Variants in HS3ST5 observed in about 807,000 individuals in gnomAD.
HS3ST5 encodes the protein heparan sulfate glucosamine 3-O-sulfotransferase 5.
HS3ST5 carries 10 observed loss-of-function variants against 25.4 expected under a neutral mutation model. That is an observed-to-expected ratio of 0.39 (90% confidence interval 0.24 to 0.67). The LOEUF (loss-of-function observed/expected upper bound fraction) is 0.67. Ranked by LOEUF, HS3ST5 falls within the 30% of genes least tolerant of loss-of-function variation. The probability of loss-of-function intolerance (pLI) is 0.44; values close to 1 mark genes in which losing one functional copy is unlikely to be tolerated. For missense variants in HS3ST5, 324 were observed against 420.7 expected, an observed-to-expected ratio of 0.77 and a Z score of 2.01; for synonymous variants, 170 against 162.4, an observed-to-expected ratio of 1.05 and a Z score of -0.36.
At chr6:114,222,842 G>C (rs964436617) in intron 2 of HS3ST5, among the ~76,000 whole-genome samples, 2 of 151,834 alleles carry the variant, frequency 1.3e-5, no homozygotes, top group African/African-American at 4.8e-5. Context: ...CAATGTCTTA[G>C]TGACCTACTC....
At chr6:114,064,359 C>T (rs955359113) in intron 3 of HS3ST5, among the ~76,000 whole-genome samples, 2 of 152,136 alleles carry the variant, frequency 1.3e-5, no homozygotes, top group African/African-American at 4.8e-5. Context: ...CCTTAGAAAA[C>T]TGATAATGTG....
At chr6:114,124,101 G>C (rs757012107) in intron 3 of HS3ST5, among the ~76,000 whole-genome samples, 6 of 152,080 alleles carry the variant, frequency 3.9e-5, no homozygotes, top group Non-Finnish European at 8.8e-5. Context: ...CCTCTGGAAT[G>C]CTTCTGAACT....
At chr6:114,182,123 A>G (rs1026645362) in intron 2 of HS3ST5, among the ~76,000 whole-genome samples, 3 of 152,180 alleles carry the variant, frequency 2.0e-5, no homozygotes, top group African/African-American at 7.2e-5. Context: ...CCATATTTAT[A>G]GGAATTCTTG....
rs1582554142 is a variant in HS3ST5 at position 114,062,756 on chromosome 6, T to C, written c.90A>G (p.Arg30=). ...AVGSLLYLVA[R]VGSLDRLQPI... Reference sequence around the variant, plus strand: ...GCACCCACCTATCCAAGCTCCCAACTCTGGCGACTAGATACAGGAGACTCC... The same window carrying C: ...GCACCCACCTATCCAAGCTCCCAACCCTGGCGACTAGATACAGGAGACTCC... Residue 30 remains arginine, a synonymous_variant, in exon 4 of 5, where the codon AGA becomes AGG. Coordinates refer to ENST00000312719, the MANE Select transcript of HS3ST5 (RefSeq NM_153612.4). The C allele has an allele frequency of 1.2e-6, 2 of 1,613,672 alleles. No individual in the cohort carries two copies. The highest frequency in any genetic ancestry group is 1.7e-6 in the Non-Finnish European group (2 of 1,179,630).
chr6:114,102,098 T>TACC (rs1775765070), intron 3 of HS3ST5, among the ~76,000 whole-genome samples: 1 of 152,194 alleles, frequency 6.6e-6, no homozygotes, highest in Non-Finnish European at 1.5e-5. Context: ...ACCTATCAGG[T>TACC]ACTATACTTA....
intron 3 of HS3ST5, among the ~76,000 whole-genome samples, chr6:114,134,015 A>G (rs1486290141): frequency 6.6e-6 from 1 of 152,074 alleles, no homozygotes; most frequent in African/African-American, 2.4e-5. Flanking sequence ...GGGGAGCGGT[A>G]GTGGGAGGCG....
intron 1 of HS3ST5, among the ~76,000 whole-genome samples, chr6:114,279,151 A>T (rs549580714): frequency 2.5e-4 from 38 of 152,132 alleles, no homozygotes; most frequent in African/African-American, 7.2e-4. Flanking sequence ...GTATTTTTTA[A>T]AAAAAATCAG....
chr6:114,278,762 T>C (rs1361045915), intron 1 of HS3ST5, among the ~76,000 whole-genome samples: 3 of 152,020 alleles, frequency 2.0e-5, no homozygotes, highest in African/African-American at 7.2e-5. Context: ...AGACGAAGGC[T>C]AGGGGAACAT....
chr6:114,218,294 G>A (rs747046702), intron 2 of HS3ST5, among the ~76,000 whole-genome samples: 1 of 152,108 alleles, frequency 6.6e-6, no homozygotes, highest in Non-Finnish European at 1.5e-5. Context: ...CGCCGTGCCC[G>A]GTCTACATAC....
intron 3 of HS3ST5, among the ~76,000 whole-genome samples, chr6:114,152,915 T>C (rs1778526386): frequency 1.3e-5 from 2 of 152,258 alleles, no homozygotes; most frequent in African/African-American, 4.8e-5. Flanking sequence ...TTTTGTTAAC[T>C]GAATCTGCCT....
chr6:114,298,721 C>T (rs1371724641), intron 1 of HS3ST5, among the ~76,000 whole-genome samples: 2 of 152,144 alleles, frequency 1.3e-5, no homozygotes, highest in Admixed American at 1.3e-4. Flanking sequence ...TTATTAGTTC[C>T]CCAAATTAAT....
At chr6:114,239,516 C>T (rs980438296) in intron 1 of HS3ST5, among the ~76,000 whole-genome samples, 1 of 152,196 alleles carries the variant, frequency 6.6e-6, no homozygotes, top group Non-Finnish European at 1.5e-5. Flanking sequence ...AAGGGTTAGA[C>T]CTCTGTCTCC....
intron 3 of HS3ST5, among the ~76,000 whole-genome samples, chr6:114,067,749 T>C (rs1773542147): frequency 6.6e-6 from 1 of 152,162 alleles, no homozygotes; most frequent in Non-Finnish European, 1.5e-5. Context: ...TACCTTCCTA[T>C]CTACTGTGAC....
chr6:114,088,983 G>A (rs918854647), intron 3 of HS3ST5: 1 of 152,226 alleles, frequency 6.6e-6, no homozygotes. Context: ...TGCTAGATAG[G>A]AAGGCACGTG....
Position 114,276,618 on chromosome 6 carries a change from A to AC in HS3ST5, c.-338-47841_-338-47840insG, listed in dbSNP as rs145697582. On this transcript the variant is annotated intron_variant, in intron 1 of 4. Transcript: ENST00000312719. The stretch of plus-strand genomic sequence containing the variant: ...AAAGCTATGAGAGTGTGGGAAAAAA[A>AC]AAAACAAAAAAACAAAAAAACTCTC... Among the ~76,000 whole-genome samples, 866 of 145,056 alleles carry AC rather than the reference A, an allele frequency of 6.0e-3. 7 individuals carry two copies. Among genetic ancestry groups the AC allele is most frequent in the African/African-American group, 0.02 (829 of 40,918 alleles).
At chr6:114,264,915 T>C (rs1773338224) in intron 1 of HS3ST5, among the ~76,000 whole-genome samples, 1 of 152,208 alleles carries the variant, frequency 6.6e-6, no homozygotes, top group Admixed American at 6.5e-5. Flanking sequence ...GGTCTCACCC[T>C]GTCACCCAGG....
chr6:114,178,229 T>C (rs1486754923), intron 2 of HS3ST5, among the ~76,000 whole-genome samples: 1 of 152,116 alleles, frequency 6.6e-6, no homozygotes, highest in African/African-American at 2.4e-5. Context: ...AAGAACAACC[T>C]GTTTTGCCAC....
intron 1 of HS3ST5, among the ~76,000 whole-genome samples, chr6:114,238,651 G>A (rs547345740): frequency 1.3e-5 from 2 of 152,196 alleles, no homozygotes; most frequent in African/African-American, 4.8e-5. Flanking sequence ...GAATCATTGG[G>A]AGAGGGCTGG....
intron 3 of HS3ST5, among the ~76,000 whole-genome samples, chr6:114,105,892 T>C (rs1775967428): frequency 6.6e-6 from 1 of 152,182 alleles, no homozygotes; most frequent in African/African-American, 2.4e-5. Context: ...ACATTGCATA[T>C]GATACAAGTT....
Sources: allele counts gnomAD v4.1 joint callset (sites outside exome capture counted in the v4.1 genomes callset), GRCh38; gene constraint gnomAD v4.1.1; transcripts MANE v1.5; gene names NCBI Gene and HGNC (gene_info 2026-07-23, HGNC 2026-07-21).